FBXW10: variants seen among roughly 807,000 people sequenced by gnomAD.
The protein encoded by FBXW10 is F-box/WD repeat-containing protein 10.
FBXW10 carries 68 observed loss-of-function variants against 113.1 expected under a neutral mutation model. The ratio of observed to expected loss-of-function variants is 0.60; its 90% confidence interval spans 0.49 to 0.74. The LOEUF is 0.74. Among genes scored for constraint, FBXW10 ranks in the 30% least tolerant of loss-of-function variants. FBXW10 has a pLI of 0.00. For synonymous variants in FBXW10, 289 were observed against 481.6 expected (o/e 0.60, Z 5.24); for missense variants, 753 against 1,284.5 (o/e 0.59, Z 6.32).
rs1049528926 is a variant in FBXW10 at position 18,750,981 on chromosome 17, C to A, written c.1050C>A (p.Ile350=). 2.5e-6 allele frequency: 4 copies of A among 1,613,994 alleles called. No individual in the cohort carries two copies. The African/African-American group carries it at 5.3e-5, about 22-fold the overall frequency. The change falls in exon 5 of 14, where the codon ATC becomes ATA. Residue 350 remains isoleucine (I), a synonymous_variant. Coordinates refer to ENST00000395665, the MANE Select transcript of FBXW10 (RefSeq NM_001267585.2). The part of the protein sequence containing the change: ...IDPNYANKVS[I]PVPKMVDDGK... Reference sequence around the variant, plus strand: ...CTAATTATGCCAATAAGGTTTCTATCCCAGTTCCTAAAATGGTAGATGACG... The same window carrying A: ...CTAATTATGCCAATAAGGTTTCTATACCAGTTCCTAAAATGGTAGATGACG...
chr17:18,750,321 C>A lies in FBXW10; in HGVS notation c.999+184C>A, dbSNP rs1343508374. ...TCCTGTTAATAACTGAGTACTCTTT[C>A]ATTGTCAGTGCATCTCACAAGGACA... On this transcript the variant is annotated intron_variant, in intron 4 of 13. Transcript: ENST00000395665. Among the ~76,000 whole-genome samples, 8 of 152,172 alleles carry A rather than the reference C, an allele frequency of 5.3e-5. No individual in the cohort carries two copies. The East Asian group carries it at 1.3e-3, about 26-fold the overall frequency.
chr17:18,777,808 G>A (rs1372145968), intron 13 of FBXW10, among the ~76,000 whole-genome samples: 1 of 151,598 alleles, frequency 6.6e-6, no homozygotes, highest in Non-Finnish European at 1.5e-5. Flanking sequence ...CTCCCAAAGT[G>A]TGGGGATTAC....
chr17:18,750,966 C>G lies in FBXW10; in HGVS notation c.1035C>G (p.Ala345=). 6.2e-7 allele frequency: 1 copy of G among 1,613,812 alleles called. No individual in the cohort carries two copies. The highest frequency in any genetic ancestry group is 8.5e-7 in the Non-Finnish European group (1 of 1,179,904). ...CAAGAGGAATTGATCCTAATTATGC[C>G]AATAAGGTTTCTATCCCAGTTCCTA... is the stretch of plus-strand genomic sequence containing the variant. ...SYTRGIDPNY[A]NKVSIPVPKM... Residue 345 remains alanine, a synonymous_variant, in exon 5 of 14, where the codon GCC becomes GCG. Coordinates refer to ENST00000395665, the MANE Select transcript of FBXW10 (RefSeq NM_001267585.2).
intron 5 of FBXW10, among the ~76,000 whole-genome samples, chr17:18,754,910 T>G (rs1597591682): frequency 6.6e-6 from 1 of 152,328 alleles, no homozygotes; most frequent in East Asian, 1.9e-4. Context: ...GGGCAAGGGA[T>G]CTACTTTGTA....
At chr17:18,756,909 C>G (rs1487590280) in intron 6 of FBXW10, among the ~76,000 whole-genome samples, 3 of 152,058 alleles carry the variant, frequency 2.0e-5, no homozygotes, top group Admixed American at 6.6e-5. Context: ...GAAGACAGAA[C>G]AGATAAGACA....
rs372543327 is a variant in FBXW10, at chr17:18,749,691, A to G, written c.671-31A>G. 3.1e-4 allele frequency: 505 copies of G among 1,613,834 alleles called. 1 individual carries two copies. The highest frequency in any genetic ancestry group is 3.9e-4 in the Non-Finnish European group (462 of 1,179,756). On this transcript the variant is annotated intron_variant, in intron 2 of 13. Transcript: ENST00000395665. The stretch of plus-strand genomic sequence containing the variant: ...CCTGGAGTTTCTACAGAGCCAACTC[A>G]ACCACGTACCTTTCTCTGGCTTCAC...
At chr17:18,766,205 G>GT (rs1320420673) in intron 8 of FBXW10, among the ~76,000 whole-genome samples, 1 of 152,122 alleles carries the variant, frequency 6.6e-6, no homozygotes, top group Non-Finnish European at 1.5e-5. Context: ...ATTTAAAAAT[G>GT]TAAGTGAGGG....
intron 7 of FBXW10, among the ~76,000 whole-genome samples, chr17:18,758,994 C>T (rs2035327582): frequency 2.0e-5 from 3 of 151,996 alleles, no homozygotes; most frequent in South Asian, 2.1e-4. Context: ...GGTGAAACCC[C>T]GTCTCTACTA....
Position 18,778,612 on chromosome 17 carries a change from G to C in FBXW10, c.2473G>C (p.Ala825Pro), listed in dbSNP as rs773609087. 1 of 1,613,770 alleles carries C rather than the reference G, an allele frequency of 6.2e-7. No homozygotes were observed. The highest frequency in any genetic ancestry group is 8.5e-7 in the Non-Finnish European group (1 of 1,179,870). The change falls in exon 14 of 14, where the codon GCC becomes CCC. Residue 825 changes from alanine (A) to proline (P), a missense_variant. Ala to Pro is a conservative substitution (Grantham distance 27, BLOSUM62 -1). Transcript: ENST00000395665. ...CCTGACTGTTAGCGCCCTGCAGCAC[G>C]CCCATAATTCCGGGGAATTTGCCTA... ...FLLTVSALQH[A>P]HNSGEFAYPC...
intron 5 of FBXW10, among the ~76,000 whole-genome samples, chr17:18,752,198 G>T (rs1018315768): frequency 8.6e-5 from 13 of 152,012 alleles, no homozygotes; most frequent in Admixed American, 8.5e-4. Context: ...AGTAGCGGAC[G>T]GTGTGGCTGT....
intron 7 of FBXW10, among the ~76,000 whole-genome samples, chr17:18,761,986 G>A (rs1165307225): frequency 4.0e-5 from 6 of 150,120 alleles, no homozygotes; most frequent in South Asian, 2.1e-4. Context: ...TTTTTGAGAC[G>A]GAGTCTTGCT....
intron 5 of FBXW10, 139 bp downstream of exon 5, chr17:18,751,192 C>T: frequency 9.8e-7 from 1 of 1,025,094 alleles, no homozygotes; most frequent in Non-Finnish European, 1.4e-6. Context: ...GACGAGAGTT[C>T]TGTGTTGCTA....
chr17:18,771,329 A>G (rs576010543), intron 11 of FBXW10, among the ~76,000 whole-genome samples: 1 of 152,258 alleles, frequency 6.6e-6, no homozygotes, highest in East Asian at 1.9e-4. Context: ...GCAGAAAGAA[A>G]CCTGTGCAGA....
chr17:18,766,528 G>A (rs1299017568), intron 8 of FBXW10, among the ~76,000 whole-genome samples, 186 bp from the exon 9 acceptor site: 1 of 152,186 alleles, frequency 6.6e-6, no homozygotes, highest in Non-Finnish European at 1.5e-5. Flanking sequence ...TCTGTGCTGT[G>A]GGCACATGAG....
chr17:18,764,119 TGGG>T (rs2035439481), intron 7 of FBXW10, among the ~76,000 whole-genome samples: 1 of 146,792 alleles, frequency 6.8e-6, no homozygotes, highest in Non-Finnish European at 1.5e-5. Context: ...AAATGGCCTA[TGGG>T]GGTAGAAGTT....
intron 7 of FBXW10, among the ~76,000 whole-genome samples, chr17:18,759,061 T>C (rs958037649): frequency 1.3e-5 from 2 of 151,916 alleles, no homozygotes; most frequent in African/African-American, 4.8e-5. Context: ...TCCCAGCTAC[T>C]CGGGACGCTG....
rs184671160 is a variant in FBXW10, at chr17:18,773,653, A to G, written c.2278+970A>G. On this transcript the variant is annotated intron_variant, in intron 12 of 13. Transcript: ENST00000395665. ...TTGGATCCACAGATCTATAGAGAAC[A>G]ATGATAAATCACCCCCAAGCATATC... Among the ~76,000 whole-genome samples, 273 of 152,324 alleles carry G rather than the reference A, an allele frequency of 1.8e-3. 4 individuals are homozygous for G. In the South Asian group the frequency reaches 0.02, roughly 11 times the overall value.
At chr17:18,771,195 T>A (rs2035606843) in intron 11 of FBXW10, among the ~76,000 whole-genome samples, 1 of 152,078 alleles carries the variant, frequency 6.6e-6, no homozygotes, top group African/African-American at 2.4e-5. Context: ...TGAACGTAAG[T>A]CTAAAAGGGA....
In FBXW10 at chr17:18,772,643, C is replaced by T; in HGVS notation, c.2238C>T (p.Pro746=). 1 of 1,613,988 alleles carries T rather than the reference C, an allele frequency of 6.2e-7. No individual in the cohort carries two copies. The change falls in exon 12 of 14, where the codon CCC becomes CCT. Residue 746 remains proline, a synonymous_variant. Transcript: ENST00000395665. ...AAGAGCTCCTACCAGGCAAACCTCC[C>T]AAGTCCCGAGTACTCCTGAAGCCGG... ...VIQELLPGKP[P]KSRVLLKPAK... is the part of the protein sequence containing the mutation.
Sources: gnomAD v4.1 joint callset for allele counts (sites outside exome capture counted in the v4.1 genomes callset) on GRCh38, gnomAD v4.1.1 for gene constraint, MANE v1.5 for transcripts, NCBI Gene and HGNC (gene_info 2026-07-23, HGNC 2026-07-21) for gene names.